The following RIC1 variants were observed in gnomAD, a reference collection of about 807,000 sequenced individuals.
The protein encoded by RIC1 is guanine nucleotide exchange factor subunit RIC1.
Under a neutral mutation model 169.0 loss-of-function variants are expected in RIC1, and 88 were observed. That is an observed-to-expected ratio of 0.52 (90% CI 0.44 to 0.62). RIC1 has a LOEUF of 0.62. Ranked by LOEUF, RIC1 falls within the 20% of genes least tolerant of loss-of-function variation. The pLI, the probability that RIC1 is intolerant of heterozygous loss-of-function variation, is 0.00. For missense variants in RIC1, 1,877 were observed against 1,725.5 expected (o/e 1.09, Z -1.56); for synonymous variants, 790 against 601.5 (o/e 1.31, Z -4.59).
At chr9:5,664,730 C>T (rs1016725883) in intron 2 of RIC1, among the ~76,000 whole-genome samples, 2 of 152,184 alleles carry the variant, frequency 1.3e-5, no homozygotes, top group African/African-American at 4.8e-5. Context: ...CCATTCTCCC[C>T]ATCTCTTTCA....
rs371574179 is a variant in RIC1 at position 5,775,908 on chromosome 9, TTAAAGA to T, written c.*1666_*1671del. On this transcript the variant is annotated 3_prime_UTR_variant, in exon 26 of 26. Coordinates refer to ENST00000414202, the MANE Select transcript of RIC1 (RefSeq NM_020829.4). ...GTTTCAAACCACCTTTCCCTGAATC[TTAAAGA>T]TAATGTTTTGCATGTGAGTACATGC... The T allele has an allele frequency of 6.6e-5, 10 of 152,306 alleles. No individual in the cohort carries two copies. In the East Asian group the frequency reaches 1.7e-3, roughly 26 times the overall value. The allele number at this position is 152,306 out of a possible 1,614,324, so 9.4% of individuals were successfully genotyped here.
chr9:5,744,742 T>C (rs534426755), intron 10 of RIC1, among the ~76,000 whole-genome samples: 1 of 152,294 alleles, frequency 6.6e-6, no homozygotes, highest in Non-Finnish European at 1.5e-5. Flanking sequence ...GCATTTCAGA[T>C]TTTTGGATTA....
intron 6 of RIC1, among the ~76,000 whole-genome samples, chr9:5,726,195 T>C (rs1229532866): frequency 6.6e-6 from 1 of 152,210 alleles, no homozygotes; most frequent in East Asian, 1.9e-4. Flanking sequence ...TCTAAGTCTC[T>C]TTGTAGGTCT....
At chr9:5,718,139 C>CAAAA (rs35477806) in intron 4 of RIC1, among the ~76,000 whole-genome samples, 9,041 of 28,064 alleles carry the variant, frequency 0.32, 3,253 homozygotes, top group East Asian at 0.66. Context: ...GACTCCGTCT[C>CAAAA]AAAAAAAAAA....
intron 1 of RIC1, among the ~76,000 whole-genome samples, chr9:5,634,681 GTTGA>G (rs1817883919): frequency 6.6e-6 from 1 of 151,850 alleles, no homozygotes; most frequent in African/African-American, 2.4e-5. Flanking sequence ...TTTTTATCTT[GTTGA>G]TTGTTTTCTT....
intron 2 of RIC1, among the ~76,000 whole-genome samples, chr9:5,678,734 CT>C (rs1399689519): frequency 4.6e-5 from 7 of 152,086 alleles, no homozygotes; most frequent in African/African-American, 1.7e-4. Context: ...ATTGTAGATT[CT>C]GGATATTAGC....
At position 5,774,076 on chromosome 9, in the gene RIC1, G is replaced by A; in HGVS notation, c.4102G>A (p.Glu1368Lys). The A allele has an allele frequency of 3.7e-6, 6 of 1,614,058 alleles. No individual in the cohort carries two copies. Among genetic ancestry groups the A allele is most frequent in the Non-Finnish European group, 5.1e-6 (6 of 1,179,982 alleles). The change falls in exon 26 of 26, where the codon GAA becomes AAA. Residue 1368 changes from glutamate to lysine, a missense_variant. Transcript: ENST00000414202. ...FQPITMGKTP[E>K]QTSPRAEESR... Reference sequence around the variant, plus strand: ...ACCAATAACTATGGGTAAGACTCCAGAACAGACTAGCCCCCGGGCAGAGGA... The same window carrying A: ...ACCAATAACTATGGGTAAGACTCCAAAACAGACTAGCCCCCGGGCAGAGGA...
chr9:5,679,563 G>A (rs1406913767), intron 2 of RIC1, among the ~76,000 whole-genome samples: 2 of 152,046 alleles, frequency 1.3e-5, no homozygotes, highest in Admixed American at 6.5e-5. Context: ...CACATCCCTT[G>A]TAAGTTGGAT....
In RIC1 at chr9:5,747,517, G is replaced by C; in HGVS notation, c.1452+12G>C. 1 of 1,601,342 alleles carries C rather than the reference G, an allele frequency of 6.2e-7. No individual in the cohort carries two copies. Among genetic ancestry groups the C allele is most frequent in the East Asian group, 2.2e-5 (1 of 44,818 alleles). On this transcript the variant is annotated intron_variant, in intron 12 of 25. Coordinates refer to ENST00000414202, the MANE Select transcript of RIC1 (RefSeq NM_020829.4). ...GGCATGTTGTACAGGTAAATCTTTAGTTACTGATTACTAGAGACTTATTCT... is the reference window on the plus strand; with the variant it reads ...GGCATGTTGTACAGGTAAATCTTTACTTACTGATTACTAGAGACTTATTCT...
chr9:5,751,512 C>T (rs1045860093), intron 12 of RIC1, among the ~76,000 whole-genome samples: 9 of 151,708 alleles, frequency 5.9e-5, no homozygotes, highest in East Asian at 3.9e-4. Context: ...CCTGCCATCA[C>T]GCCTGGCTAA....
chr9:5,644,650 A>AT (rs1381512172), intron 1 of RIC1, among the ~76,000 whole-genome samples: 1 of 152,146 alleles, frequency 6.6e-6, no homozygotes, highest in African/African-American at 2.4e-5. Context: ...TTCTATCTCC[A>AT]TTCACCAGTT....
intron 21 of RIC1, among the ~76,000 whole-genome samples, chr9:5,767,881 C>T (rs971197248): frequency 6.6e-6 from 1 of 152,316 alleles, no homozygotes; most frequent in Admixed American, 6.5e-5. Flanking sequence ...GCCACCATGC[C>T]CAGCCTGTTT....
At chr9:5,765,204 T>C (rs1474313286) in intron 19 of RIC1, 1 of 520,736 alleles carries the variant, frequency 1.9e-6, no homozygotes. Context: ...ATCTGGCATG[T>C]AGTAGGAGTT....
intron 7 of RIC1, among the ~76,000 whole-genome samples, chr9:5,734,709 C>G (rs113364207): frequency 6.6e-6 from 1 of 151,800 alleles, no homozygotes; most frequent in African/African-American, 2.4e-5. Context: ...CTAGTCACAA[C>G]TCTTATTCCC....
intron 1 of RIC1, among the ~76,000 whole-genome samples, chr9:5,639,103 C>T (rs1184675458): frequency 1.3e-5 from 2 of 152,246 alleles, no homozygotes; most frequent in Admixed American, 6.5e-5. Flanking sequence ...GACAGGATTT[C>T]ACCATGTTTC....
chr9:5,737,248 A>G (rs920616174), intron 7 of RIC1, among the ~76,000 whole-genome samples: 2 of 147,922 alleles, frequency 1.4e-5, no homozygotes, highest in Non-Finnish European at 1.5e-5. Context: ...CGTATTATAG[A>G]GATTTTACTT....
intron 3 of RIC1, among the ~76,000 whole-genome samples, chr9:5,705,950 T>A (rs144153660): frequency 4.0e-4 from 61 of 152,358 alleles, no homozygotes; most frequent in African/African-American, 1.3e-3. Flanking sequence ...TTGTATTACA[T>A]TGATTTTCAT....
intron 17 of RIC1, among the ~76,000 whole-genome samples, chr9:5,760,651 T>C (rs968971627): frequency 8.5e-5 from 13 of 152,236 alleles, no homozygotes; most frequent in Non-Finnish European, 1.3e-4. Context: ...CTGACTCTTC[T>C]AGTTGCCACA....
chr9:5,729,326 G>T (rs1225877360), intron 6 of RIC1, among the ~76,000 whole-genome samples: 23 of 152,136 alleles, frequency 1.5e-4, no homozygotes, highest in Admixed American at 3.9e-4. Context: ...TTGGGGAAGT[G>T]CTCTGGGAGG....
Sources: gnomAD v4.1 joint callset for allele counts (sites outside exome capture counted in the v4.1 genomes callset) on GRCh38, gnomAD v4.1.1 for gene constraint, MANE v1.5 for transcripts, NCBI Gene and HGNC (gene_info 2026-07-23, HGNC 2026-07-21) for gene names.